The following ADCY2 variants were observed in gnomAD, a reference collection of about 807,000 sequenced individuals.
ADCY2 encodes the protein adenylate cyclase 2.
In ADCY2, 31 loss-of-function variants were observed where a neutral mutation model predicts 125.2. That is an observed-to-expected ratio of 0.25 (90% CI 0.19 to 0.33). The LOEUF (loss-of-function observed/expected upper bound fraction) is 0.33, where lower values mean the gene tolerates loss of function less well. Ranked by LOEUF, ADCY2 falls within the 10% of genes least tolerant of loss-of-function variation. ADCY2 has a pLI of 1.00. For missense variants in ADCY2, 904 were observed against 1,418.2 expected, an observed-to-expected ratio of 0.64 and a Z score of 5.82; for synonymous variants, 512 against 548.4, an observed-to-expected ratio of 0.93 and a Z score of 0.93.
At chr5:7,431,488 A>G (rs899803915) in intron 2 of ADCY2, among the ~76,000 whole-genome samples, 2 of 151,724 alleles carry the variant, frequency 1.3e-5, no homozygotes, top group Non-Finnish European at 2.9e-5. Flanking sequence ...TGTGTTAGAA[A>G]ATGATTTCTT....
chr5:7,490,091 A>G (rs959261350), intron 2 of ADCY2, among the ~76,000 whole-genome samples: 9 of 152,086 alleles, frequency 5.9e-5, no homozygotes, highest in African/African-American at 2.2e-4. Flanking sequence ...ATTTCTGAGA[A>G]GAGGCAATGT....
intron 16 of ADCY2, among the ~76,000 whole-genome samples, chr5:7,766,313 A>G (rs1014334411): frequency 2.0e-5 from 3 of 152,196 alleles, no homozygotes; most frequent in Non-Finnish European, 2.9e-5. Context: ...ACTGGGGGGA[A>G]AAAAGCATTC....
At chr5:7,449,432 C>A (rs140062171) in intron 2 of ADCY2, among the ~76,000 whole-genome samples, 2,865 of 152,246 alleles carry the variant, frequency 0.019, 43 homozygotes, top group South Asian at 0.028. Flanking sequence ...AGCACCTCTG[C>A]CTTACCTTTT....
intron 1 of ADCY2, among the ~76,000 whole-genome samples, chr5:7,412,426 T>A (rs1489183243): frequency 6.6e-6 from 1 of 152,232 alleles, no homozygotes; most frequent in Non-Finnish European, 1.5e-5. Context: ...ATGTGTGCAG[T>A]GGTCATAATC....
In ADCY2 at chr5:7,468,243, A is replaced by G. The variant is rs1295603107; in HGVS notation, c.409-52495A>G. On this transcript the variant is annotated intron_variant, in intron 2 of 24. Transcript: ENST00000338316. Reference sequence around the variant, plus strand: ...ATCAAATTTGATGAGATGGGATGATATTGGAATTAAAATCGGAGACAGGGC... The same window carrying G: ...ATCAAATTTGATGAGATGGGATGATGTTGGAATTAAAATCGGAGACAGGGC... 3.3e-5 allele frequency among the ~76,000 whole-genome samples: 5 copies of G among 152,206 alleles called. 1 individual carries two copies.
intron 1 of ADCY2, among the ~76,000 whole-genome samples, chr5:7,404,380 T>C (rs757863983): frequency 7.2e-5 from 11 of 152,220 alleles, no homozygotes; most frequent in Non-Finnish European, 1.5e-4. Context: ...TATTAGATTA[T>C]GTCATGGAAA....
At chr5:7,565,967 T>G (rs1033435873) in intron 3 of ADCY2, among the ~76,000 whole-genome samples, 2 of 152,194 alleles carry the variant, frequency 1.3e-5, no homozygotes, top group African/African-American at 4.8e-5. Context: ...TCACTTAGCT[T>G]TTTTCCAAAT....
chr5:7,696,571 G>T (rs1740900636), intron 6 of ADCY2, among the ~76,000 whole-genome samples: 1 of 152,100 alleles, frequency 6.6e-6, no homozygotes, highest in Non-Finnish European at 1.5e-5. Context: ...AATGTTTCTG[G>T]TCAATTCTCT....
chr5:7,431,699 C>T (rs576939507), intron 2 of ADCY2, among the ~76,000 whole-genome samples: 10 of 152,182 alleles, frequency 6.6e-5, no homozygotes, highest in African/African-American at 2.4e-4. Context: ...AGGACTTTTA[C>T]TTAGGATATA....
chr5:7,811,284 T>C (rs1349163599), intron 22 of ADCY2, among the ~76,000 whole-genome samples: 3 of 152,066 alleles, frequency 2.0e-5, no homozygotes, highest in Non-Finnish European at 4.4e-5. Flanking sequence ...GGGTGGATCA[T>C]GAGGTCAGGA....
intron 3 of ADCY2, among the ~76,000 whole-genome samples, chr5:7,621,477 A>G (rs899882305): frequency 1.3e-5 from 2 of 152,224 alleles, no homozygotes; most frequent in Admixed American, 6.5e-5. Flanking sequence ...ATCTGACTGT[A>G]TGCGTATGAA....
At chr5:7,398,245 G>T (rs1431512172) in intron 1 of ADCY2, among the ~76,000 whole-genome samples, 19 of 152,150 alleles carry the variant, frequency 1.2e-4, no homozygotes, top group Non-Finnish European at 7.3e-5. Flanking sequence ...TGCTTCCTCT[G>T]CACACACCAC....
chr5:7,816,418 A>G (rs1207376151), intron 22 of ADCY2, among the ~76,000 whole-genome samples: 1 of 152,204 alleles, frequency 6.6e-6, no homozygotes, highest in Admixed American at 6.5e-5. Flanking sequence ...CCACTGGGCA[A>G]TCGCCACTGG....
chr5:7,422,959 A>G (rs1740266055), intron 2 of ADCY2, among the ~76,000 whole-genome samples: 1 of 152,224 alleles, frequency 6.6e-6, no homozygotes, highest in Admixed American at 6.5e-5. Flanking sequence ...CATATGAATG[A>G]AAGTAGAAAA....
At chr5:7,516,997 C>CAG (rs1319858059) in intron 2 of ADCY2, among the ~76,000 whole-genome samples, 1 of 152,042 alleles carries the variant, frequency 6.6e-6, no homozygotes, top group Non-Finnish European at 1.5e-5. Context: ...TTTTTGGAGA[C>CAG]AGAGGCATTA....
At chr5:7,501,658 C>CCCCCCT in intron 2 of ADCY2, among the ~76,000 whole-genome samples, 1 of 115,544 alleles carries the variant, frequency 8.7e-6, no homozygotes, top group African/African-American at 3.1e-5. Context: ...CCCCCCCCCC[C>CCCCCCT]GCCAGTAACT....
intron 3 of ADCY2, among the ~76,000 whole-genome samples, chr5:7,577,964 A>G (rs528387156): frequency 6.6e-5 from 10 of 152,254 alleles, no homozygotes; most frequent in Middle Eastern, 3.4e-3. Context: ...TCTTAACCCT[A>G]TAACTGTTAT....
chr5:7,710,549 G>C (rs1741407223), intron 10 of ADCY2, among the ~76,000 whole-genome samples: 1 of 152,162 alleles, frequency 6.6e-6, no homozygotes, highest in Non-Finnish European at 1.5e-5. Context: ...AGGAAGAGGA[G>C]GTGGCAGAAG....
chr5:7,441,592 C>A (rs1741018536), intron 2 of ADCY2, among the ~76,000 whole-genome samples: 1 of 152,072 alleles, frequency 6.6e-6, no homozygotes, highest in Admixed American at 6.5e-5. Flanking sequence ...ACTATGCCCC[C>A]ATGGTTCATT....
Sources: gnomAD v4.1 joint callset for allele counts (sites outside exome capture counted in the v4.1 genomes callset) on GRCh38, gnomAD v4.1.1 for gene constraint, MANE v1.5 for transcripts, NCBI Gene and HGNC (gene_info 2026-07-23, HGNC 2026-07-21) for gene names.